Variants in CLASP1 observed in about 807,000 individuals in gnomAD.
CLASP1 encodes CLIP-associating protein 1.
Under a neutral mutation model 192.3 loss-of-function variants are expected in CLASP1, and 38 were observed. The ratio of observed to expected loss-of-function variants is 0.20; its 90% confidence interval spans 0.15 to 0.26. The LOEUF (loss-of-function observed/expected upper bound fraction) is 0.26. Among genes scored for constraint, CLASP1 ranks in the 10% least tolerant of loss-of-function variants. The probability of loss-of-function intolerance (pLI) is 1.00; values close to 1 mark genes in which losing one functional copy is unlikely to be tolerated. For missense variants in CLASP1, 1,433 were observed against 1,932.5 expected (o/e 0.74, Z 4.85); for synonymous variants, 691 against 712.8 (o/e 0.97, Z 0.49).
At chr2:121,536,697 A>G (rs575436902) in intron 2 of CLASP1, among the ~76,000 whole-genome samples, 1 of 152,344 alleles carries the variant, frequency 6.6e-6, no homozygotes, top group Non-Finnish European at 1.5e-5. Flanking sequence ...ACAAAGACAA[A>G]TATTGTCTGG....
At chr2:121,535,168 G>A (rs1357279213) in intron 2 of CLASP1, among the ~76,000 whole-genome samples, 2 of 152,158 alleles carry the variant, frequency 1.3e-5, no homozygotes, top group African/African-American at 4.8e-5. Context: ...GGTCCCAGCT[G>A]CTCTGCTCGG....
chr2:121,358,426 T>C (rs570472505), intron 37 of CLASP1, among the ~76,000 whole-genome samples: 9 of 152,312 alleles, frequency 5.9e-5, no homozygotes, highest in African/African-American at 1.9e-4. Context: ...CCAGTGCCCA[T>C]TGATACAAAT....
intron 39 of CLASP1, among the ~76,000 whole-genome samples, chr2:121,344,341 T>C (rs1453617066): frequency 1.3e-5 from 2 of 150,534 alleles, no homozygotes; most frequent in African/African-American, 4.9e-5. Flanking sequence ...AAAAAAAACC[T>C]TTTTTTTTGA....
chr2:121,392,866 C>T (rs2074617742), intron 30 of CLASP1, among the ~76,000 whole-genome samples: 1 of 152,160 alleles, frequency 6.6e-6, no homozygotes, highest in Non-Finnish European at 1.5e-5. Flanking sequence ...TAGTTACAGA[C>T]TGGGTTGGGC....
At chr2:121,642,413 A>G (rs1031440878) in intron 1 of CLASP1, among the ~76,000 whole-genome samples, 6 of 151,292 alleles carry the variant, frequency 4.0e-5, no homozygotes, top group South Asian at 2.1e-4. Flanking sequence ...AAAAAAAAAA[A>G]AAAAAGAAAA....
chr2:121,369,722 A>T (rs2068208293), intron 34 of CLASP1, among the ~76,000 whole-genome samples: 1 of 152,190 alleles, frequency 6.6e-6, no homozygotes, highest in Non-Finnish European at 1.5e-5. Context: ...CACCATGTTT[A>T]ATCACACCAC....
In CLASP1 at chr2:121,347,033, C is replaced by T; in HGVS notation, c.4530+5G>A. 1 of 1,544,206 alleles carries T rather than the reference C, an allele frequency of 6.5e-7. No homozygotes were observed. Among genetic ancestry groups the T allele is most frequent in the Non-Finnish European group, 8.8e-7 (1 of 1,137,620 alleles). ...GCGTATCAGCCCAGGTAACACTATA[C>T]ATACCTTGCTCCCTGTGAGCTGTGC... On this transcript the variant is annotated splice_donor_5th_base_variant and intron_variant, in intron 39 of 39. Transcript: ENST00000263710.
intron 1 of CLASP1, among the ~76,000 whole-genome samples, chr2:121,613,585 A>G (rs2065962740): frequency 6.6e-6 from 1 of 151,952 alleles, no homozygotes; most frequent in African/African-American, 2.4e-5. Flanking sequence ...CATGCATCAA[A>G]TAAGATTAAG....
intron 7 of CLASP1, among the ~76,000 whole-genome samples, chr2:121,513,323 C>A (rs1211490969): frequency 6.6e-6 from 1 of 152,200 alleles, no homozygotes; most frequent in Non-Finnish European, 1.5e-5. Context: ...CCTAAGAATA[C>A]CCTCTCCGTT....
At chr2:121,434,861 G>A (rs1003044383) in intron 19 of CLASP1, among the ~76,000 whole-genome samples, 12 of 151,854 alleles carry the variant, frequency 7.9e-5, no homozygotes, top group African/African-American at 2.7e-4. Context: ...GGTGGTGCAC[G>A]CCTGCAATCC....
In CLASP1 at chr2:121,401,576, T is replaced by A; in HGVS notation, c.2833A>T (p.Lys945Ter). 1 of 1,613,314 alleles carries A rather than the reference T, an allele frequency of 6.2e-7. No homozygotes were observed. The highest frequency in any genetic ancestry group is 1.1e-5 in the South Asian group (1 of 91,052). Residue 945 changes from lysine to a stop codon, truncating the protein, a stop_gained, in exon 28 of 40, where the codon AAG (lysine) becomes TAG (stop). Transcript: ENST00000263710. LOFTEE classifies it high-confidence loss of function. ...CCAAGTAAATCTGCTCCCATTTTCT[T>A]AAGTAATTGTGTGAGAAGAACAAAA...
At chr2:121,587,755 C>G (rs1284089993) in intron 2 of CLASP1, among the ~76,000 whole-genome samples, 3 of 151,206 alleles carry the variant, frequency 2.0e-5, no homozygotes, top group Non-Finnish European at 4.4e-5. Context: ...CGCTTGAACC[C>G]GGGAGGCGGA....
intron 2 of CLASP1, among the ~76,000 whole-genome samples, chr2:121,547,595 A>G (rs1450143629): frequency 6.6e-6 from 1 of 151,726 alleles, no homozygotes; most frequent in Non-Finnish European, 1.5e-5. Flanking sequence ...AAACATAAAC[A>G]CTGAGATTGT....
chr2:121,646,283 T>C (rs1034803942), intron 1 of CLASP1, among the ~76,000 whole-genome samples: 4 of 152,152 alleles, frequency 2.6e-5, no homozygotes, highest in African/African-American at 7.2e-5. Flanking sequence ...CAGCTAATTT[T>C]TGAATTTTCT....
intron 1 of CLASP1, among the ~76,000 whole-genome samples, chr2:121,624,759 A>G (rs1249911226): frequency 6.6e-6 from 1 of 152,140 alleles, no homozygotes; most frequent in Non-Finnish European, 1.5e-5. Context: ...ATTTTGGTAA[A>G]ACATACATAA....
At chr2:121,477,698 T>C (rs1259928824) in intron 8 of CLASP1, among the ~76,000 whole-genome samples, 2 of 152,248 alleles carry the variant, frequency 1.3e-5, no homozygotes, top group African/African-American at 4.8e-5. Context: ...GTGCATAGAC[T>C]ATATTTAATC....
At chr2:121,478,934 ACCCC>A (rs1559369615) in intron 8 of CLASP1, among the ~76,000 whole-genome samples, 27 of 8,302 alleles carry the variant, frequency 3.3e-3, no homozygotes, top group African/African-American at 0.012. Context: ...ACCACACAAC[ACCCC>A]CCACACACAC....
intron 2 of CLASP1, among the ~76,000 whole-genome samples, chr2:121,557,109 C>T (rs968930467): frequency 1.3e-5 from 2 of 152,222 alleles, no homozygotes; most frequent in African/African-American, 2.4e-5. Flanking sequence ...CTGCTCACTG[C>T]GAATGTTATC....
rs2149438843 is a variant in CLASP1 at position 121,397,285 on chromosome 2, T to C, written c.2980-2A>G. The C allele has an allele frequency of 6.2e-7, 1 of 1,612,380 alleles. No homozygotes were observed. On this transcript the variant is annotated splice_acceptor_variant, in intron 29 of 39. Coordinates refer to ENST00000263710, the Ensembl canonical transcript of CLASP1. LOFTEE classifies it high-confidence loss of function. ...GTATTTCAGGATTGCAACTTTGACC[T>C]GAAAGAACCAATAATTATAAACATT...
Sources: allele counts gnomAD v4.1 joint callset (sites outside exome capture counted in the v4.1 genomes callset), GRCh38; gene constraint gnomAD v4.1.1; transcripts MANE v1.5; gene names NCBI Gene and HGNC (gene_info 2026-07-23, HGNC 2026-07-21).